The following KDM1B variants were observed in gnomAD, a reference collection of about 807,000 sequenced individuals.
KDM1B encodes the protein lysine-specific histone demethylase 2.
KDM1B carries 63 observed loss-of-function variants against 107.4 expected under a neutral mutation model. The observed-to-expected ratio is 0.59, with a 90% CI of 0.48 to 0.72. The LOEUF is 0.72. Among genes scored for constraint, KDM1B ranks in the 30% least tolerant of loss-of-function variants. The pLI is 0.00. For missense variants in KDM1B, 749 were observed against 1,020.8 expected (o/e 0.73, Z 3.63); for synonymous variants, 363 against 363.9 (o/e 1.00, Z 0.03).
chr6:18,205,242 G>A lies in KDM1B; in HGVS notation c.1532-295G>A, dbSNP rs1196342204. On this transcript the variant is annotated intron_variant, in intron 14 of 21. Transcript: ENST00000650836. The surrounding 1 kb of genome is among the most constrained non-coding windows in gnomAD (Gnocchi z 5.7). ...GCAAAAGAGGAAACCACTTCTCAAC[G>A]AAGCGAAATTGAGACGTTTCTGAAG... Among the ~76,000 whole-genome samples the A allele has an allele frequency of 2.0e-5, 3 of 152,244 alleles. No homozygotes were observed. The Middle Eastern group carries it at 0.01, about 518-fold the overall frequency.
Position 18,221,947 on chromosome 6 carries a change from A to G in KDM1B, c.2424A>G (p.Ala808=), listed in dbSNP as rs1261024534. 2.5e-6 allele frequency: 4 copies of G among 1,613,480 alleles called. No homozygotes were observed. The highest frequency in any genetic ancestry group is 3.3e-5 in the Admixed American group (2 of 59,930). The change falls in exon 22 of 22, where the codon GCA becomes GCG. Residue 808 remains alanine (A), a synonymous_variant. Coordinates refer to ENST00000650836, the MANE Select transcript of KDM1B (RefSeq NM_001364614.2). ...NRHFPQTVTG[A]YLSGVREASK... ...ATTTCCCACAAACTGTTACAGGGGC[A>G]TATTTGAGTGGCGTTCGAGAAGCAA...
intron 16 of KDM1B, 97 bp downstream of exon 16, chr6:18,207,626 G>A (rs759302261): frequency 3.8e-5 from 56 of 1,469,620 alleles, no homozygotes; most frequent in Non-Finnish European, 4.9e-5. Flanking sequence ...GGCTGGCTTT[G>A]GTGTTTAGCC....
At chr6:18,218,989 G>A (rs943457360) in intron 21 of KDM1B, among the ~76,000 whole-genome samples, 5 of 151,968 alleles carry the variant, frequency 3.3e-5, no homozygotes, top group African/African-American at 9.7e-5. Context: ...TGCAAGCTCT[G>A]CCTCCTGGGT....
intron 9 of KDM1B, among the ~76,000 whole-genome samples, chr6:18,190,729 A>G (rs1035710939): frequency 1.3e-5 from 2 of 152,054 alleles, no homozygotes; most frequent in Non-Finnish European, 2.9e-5. Flanking sequence ...AGTGAAACCC[A>G]TAGCTACTAA....
chr6:18,221,851 C>A, intron 21 of KDM1B, 58 bp from the exon 22 acceptor site: 1 of 1,357,606 alleles, frequency 7.4e-7, no homozygotes, highest in South Asian at 1.4e-5. Context: ...CTTGTTTTAC[C>A]TTTTGATATC....
At position 18,217,819 on chromosome 6, in the gene KDM1B, T is replaced by C. The variant is rs768285480; in HGVS notation, c.2319T>C (p.Gly773=). The C allele has an allele frequency of 1.2e-6, 2 of 1,613,876 alleles. No homozygotes were observed. The highest frequency in any genetic ancestry group is 1.1e-5 in the South Asian group (1 of 91,080). Residue 773 remains glycine (G), a synonymous_variant, in exon 21 of 22, where the codon GGT becomes GGC. Coordinates refer to ENST00000650836, the MANE Select transcript of KDM1B (RefSeq NM_001364614.2). ...IQMAYSFVKT[G]GSGEAYDIIA... ...TGGCATACAGTTTTGTGAAGACAGG[T>C]GGAAGTGGGGAGGCCTACGATATCA...
chr6:18,156,714 C>G (rs543838977), intron 2 of KDM1B, among the ~76,000 whole-genome samples: 2 of 152,156 alleles, frequency 1.3e-5, no homozygotes, highest in East Asian at 3.9e-4. Context: ...AGGAGTACTT[C>G]AAGACCAGCC....
chr6:18,187,680 C>T (rs1161274828), intron 8 of KDM1B, 112 bp from the exon 9 acceptor site: 4 of 709,870 alleles, frequency 5.6e-6, no homozygotes, highest in Non-Finnish European at 9.8e-6. Flanking sequence ...CAAGAAAAAG[C>T]ATAGCGGGTT....
intron 7 of KDM1B, among the ~76,000 whole-genome samples, chr6:18,179,043 T>C (rs1786251473): frequency 1.3e-5 from 2 of 152,260 alleles, no homozygotes; most frequent in Non-Finnish European, 2.9e-5. Flanking sequence ...TGGCTATAGC[T>C]CTTTGTAGAC....
chr6:18,189,360 G>C (rs978728867), intron 9 of KDM1B, among the ~76,000 whole-genome samples: 1 of 152,162 alleles, frequency 6.6e-6, no homozygotes, highest in East Asian at 1.9e-4. Context: ...TAGGGAGAGT[G>C]TATGTTTACG....
At position 18,200,475 on chromosome 6, in the gene KDM1B, C is replaced by G; in HGVS notation, c.1258C>G (p.Arg420Gly). ...VLEAKDRIGG[R>G]VWDDKSFKGV... The stretch of plus-strand genomic sequence containing the variant: ...GGAAGCCAAAGACAGAATTGGAGGC[C>G]GAGTCTGGGATGATAAATCTTTTAA... Residue 420 changes from arginine (R) to glycine (G), a missense_variant, in exon 13 of 22, where the codon CGA (arginine) becomes GGA (glycine). Transcript: ENST00000650836. The surrounding 1 kb of genome is among the most constrained non-coding windows in gnomAD (Gnocchi z 4.3). 6.2e-7 allele frequency: 1 copy of G among 1,613,838 alleles called. No homozygotes were observed. The highest frequency in any genetic ancestry group is 8.5e-7 in the Non-Finnish European group (1 of 1,179,922).
rs528251403 is a variant in KDM1B at position 18,204,631 on chromosome 6, C to G, written c.1532-906C>G. On this transcript the variant is annotated intron_variant, in intron 14 of 21. Coordinates refer to ENST00000650836, the MANE Select transcript of KDM1B (RefSeq NM_001364614.2). This position sits in a 1 kb window ranked among gnomAD's most constrained non-coding sequence, Gnocchi z 4.9. Reference sequence around the variant, plus strand: ...CATCAAGCCAGAACCCTCTTCCAGCCCTGCTATAAAGGAATGTAAGACAAA... The same window carrying G: ...CATCAAGCCAGAACCCTCTTCCAGCGCTGCTATAAAGGAATGTAAGACAAA... Among the ~76,000 whole-genome samples the G allele has an allele frequency of 1.3e-5, 2 of 152,286 alleles. No individual in the cohort carries two copies. Among genetic ancestry groups the G allele is most frequent in the South Asian group, 2.1e-4 (1 of 4,828 alleles).
intron 6 of KDM1B, among the ~76,000 whole-genome samples, chr6:18,167,456 C>T (rs1785375025): frequency 6.6e-6 from 1 of 151,664 alleles, no homozygotes; most frequent in Non-Finnish European, 1.5e-5. Context: ...TGAAATATAC[C>T]ACCATTTAAT....
chr6:18,219,134 C>CCT lies in KDM1B; in HGVS notation c.2385+1251_2385+1252dup, dbSNP rs2151051582. Among the ~76,000 whole-genome samples, 3 of 152,144 alleles carry CCT rather than the reference C, an allele frequency of 2.0e-5. 1 individual carries two copies. Among genetic ancestry groups the CCT allele is most frequent in the African/African-American group, 7.2e-5 (3 of 41,518 alleles). ...AGCCAGGATGGTCTCCATCTCCTGA[C>CCT]CTCGTGATCTGCCTGCCTCAGCCTC... On this transcript the variant is annotated intron_variant, in intron 21 of 21. Transcript: ENST00000650836.
At chr6:18,208,007 C>A (rs1788505801) in intron 16 of KDM1B, 125 bp from the exon 17 acceptor site, 1 of 737,910 alleles carries the variant, frequency 1.4e-6, no homozygotes, top group East Asian at 2.5e-5. Flanking sequence ...GTTTAGATCT[C>A]TGAATGCCAG....
chr6:18,216,949 A>AG, intron 20 of KDM1B, among the ~76,000 whole-genome samples: 1 of 152,320 alleles, frequency 6.6e-6, no homozygotes, highest in Non-Finnish European at 1.5e-5. Context: ...GGCGGGGAAG[A>AG]GGGGACTGCT....
intron 7 of KDM1B, among the ~76,000 whole-genome samples, chr6:18,185,363 G>A (rs112282663): frequency 1.7e-3 from 263 of 151,420 alleles, no homozygotes; most frequent in African/African-American, 6.0e-3. Context: ...GCGCAGTAGC[G>A]CAGTCTCGGC....
At chr6:18,208,628 T>TATGTATATATATATATGTATATA (rs1491350264) in intron 17 of KDM1B, among the ~76,000 whole-genome samples, 1 of 16,250 alleles carries the variant, frequency 6.2e-5, no homozygotes, top group African/African-American at 2.5e-4. Flanking sequence ...TATATATATA[T>TATGTATATATATATATGTATATA]TTTTTTTTTT....
chr6:18,185,764 T>C lies in KDM1B; in HGVS notation c.535-8T>C. ...AACCCTAATTTAACACTTGGTTTTC[T>C]TTTGTAGCCTGAGACCTCAGATCAT... On this transcript the variant is annotated splice_polypyrimidine_tract_variant and splice_region_variant and intron_variant, in intron 7 of 21. Coordinates refer to ENST00000650836, the MANE Select transcript of KDM1B (RefSeq NM_001364614.2). 6.2e-7 allele frequency: 1 copy of C among 1,613,706 alleles called. No individual in the cohort carries two copies.
Sources: allele counts gnomAD v4.1 joint callset (sites outside exome capture counted in the v4.1 genomes callset), GRCh38; gene constraint gnomAD v4.1.1; non-coding constraint Gnocchi (gnomAD v3.1); transcripts MANE v1.5; gene names NCBI Gene and HGNC (gene_info 2026-07-23, HGNC 2026-07-21).